Variants in UGCG observed in about 807,000 individuals in gnomAD.
UGCG encodes the protein UDP-glucose ceramide glucosyltransferase.
Under a neutral mutation model 49.5 loss-of-function variants are expected in UGCG, and 10 were observed. That is an observed-to-expected ratio of 0.20 (90% confidence interval 0.12 to 0.34). The LOEUF (loss-of-function observed/expected upper bound fraction) is 0.34, where lower values mean the gene tolerates loss of function less well. Ranked by LOEUF, UGCG falls within the 10% of genes least tolerant of loss-of-function variation. UGCG has a pLI of 1.00. For synonymous variants in UGCG, 182 were observed against 158.2 expected (o/e 1.15, Z -1.13); for missense variants, 312 against 483.7 (o/e 0.65, Z 3.33).
chr9:111,900,120 A>AT (rs11365963), intron 1 of UGCG, among the ~76,000 whole-genome samples: 11,864 of 145,902 alleles, frequency 0.081, 757 homozygotes, highest in African/African-American at 0.17. Flanking sequence ...TTATGGGTTA[A>AT]TTTTTTTTTT....
chr9:111,904,076 A>AT (rs1313673774), intron 1 of UGCG, among the ~76,000 whole-genome samples: 2 of 117,688 alleles, frequency 1.7e-5, no homozygotes, highest in Non-Finnish European at 1.8e-5. Flanking sequence ...GCTGAGAATG[A>AT]TTGCCCCAGG....
At chr9:111,917,062 C>T (rs913391425) in intron 2 of UGCG, among the ~76,000 whole-genome samples, 3 of 152,106 alleles carry the variant, frequency 2.0e-5, no homozygotes, top group East Asian at 3.9e-4. Context: ...CTCTTGTTTT[C>T]ACTTAGAGTA....
chr9:111,909,454 C>T (rs746047586), intron 1 of UGCG, among the ~76,000 whole-genome samples: 22 of 152,156 alleles, frequency 1.4e-4, no homozygotes, highest in Non-Finnish European at 2.2e-4. Flanking sequence ...GCATTGTTTC[C>T]ACCTGTGGAA....
chr9:111,918,005 A>G (rs753873863), intron 2 of UGCG, among the ~76,000 whole-genome samples: 4 of 152,096 alleles, frequency 2.6e-5, no homozygotes, highest in Admixed American at 1.3e-4. Flanking sequence ...ACCTGTCATA[A>G]CTATGATTTT....
chr9:111,921,616 A>ACTC (rs1372773590), intron 2 of UGCG, among the ~76,000 whole-genome samples: 1 of 148,984 alleles, frequency 6.7e-6, no homozygotes, highest in Non-Finnish European at 1.5e-5. Flanking sequence ...ATGCCACTGC[A>ACTC]CTCCAACCTG....
chr9:111,910,171 C>T (rs1338001646), intron 1 of UGCG, among the ~76,000 whole-genome samples: 1 of 152,202 alleles, frequency 6.6e-6, no homozygotes, highest in Non-Finnish European at 1.5e-5. Flanking sequence ...AGGATCTACT[C>T]TAAACTTTAC....
Position 111,932,991 on chromosome 9 carries a change from T to C in UGCG, c.1179T>C (p.Asp393=). 6.3e-7 allele frequency: 1 copy of C among 1,580,870 alleles called. No individual in the cohort carries two copies. The highest frequency in any genetic ancestry group is 8.6e-7 in the Non-Finnish European group (1 of 1,163,238). Residue 393 remains aspartate, a synonymous_variant, in exon 9 of 9, where the codon GAT becomes GAC. Coordinates refer to ENST00000374279, the MANE Select transcript of UGCG (RefSeq NM_003358.3). ...RCGGTAEEIL[D]V is the part of the protein sequence containing the mutation. Reference sequence around the variant, plus strand: ...GGGGTACAGCAGAGGAAATCCTAGATGTATAACTACAGCTTTGTGACTGTA... The same window carrying C: ...GGGGTACAGCAGAGGAAATCCTAGACGTATAACTACAGCTTTGTGACTGTA...
At chr9:111,899,810 G>C (rs1837734912) in intron 1 of UGCG, among the ~76,000 whole-genome samples, 2 of 152,068 alleles carry the variant, frequency 1.3e-5, no homozygotes, top group South Asian at 4.2e-4. Flanking sequence ...CCTAATTATA[G>C]TTTCTTCTAA....
chr9:111,904,263 C>T (rs1355959191), intron 1 of UGCG, among the ~76,000 whole-genome samples: 3 of 152,214 alleles, frequency 2.0e-5, no homozygotes, highest in African/African-American at 4.8e-5. Context: ...TTTGAAAATC[C>T]TACAGAGGGT....
chr9:111,909,487 G>C (rs993850243), intron 1 of UGCG, among the ~76,000 whole-genome samples: 1 of 152,208 alleles, frequency 6.6e-6, no homozygotes, highest in Non-Finnish European at 1.5e-5. Flanking sequence ...GCAAAGCTTT[G>C]TTGACATCTT....
chr9:111,929,477 C>G lies in UGCG; in HGVS notation c.559-23C>G, dbSNP rs1186535078. 1.9e-6 allele frequency: 3 copies of G among 1,593,172 alleles called. No individual in the cohort carries two copies. The South Asian group carries it at 3.4e-5, about 18-fold the overall frequency. On this transcript the variant is annotated intron_variant, in intron 5 of 8. Coordinates refer to ENST00000374279, the MANE Select transcript of UGCG (RefSeq NM_003358.3). ...CTTTTAACATGAAATTCTAATCATA[C>G]ACGTTTGTGGTTTTTTGGGCAGGTA...
chr9:111,906,654 T>C (rs990028467), intron 1 of UGCG, among the ~76,000 whole-genome samples: 17 of 151,960 alleles, frequency 1.1e-4, no homozygotes, highest in Admixed American at 1.1e-3. Context: ...GGTCTTGAAC[T>C]CCCAACCTCA....
At chr9:111,925,733 C>T (rs1351856701) in intron 4 of UGCG, among the ~76,000 whole-genome samples, 1 of 152,118 alleles carries the variant, frequency 6.6e-6, no homozygotes, top group Non-Finnish European at 1.5e-5. Flanking sequence ...GAGATGTTTG[C>T]TAAAGATTGG....
At chr9:111,929,754 G>T in intron 6 of UGCG, 76 bp downstream of exon 6, 1 of 1,507,432 alleles carries the variant, frequency 6.6e-7, no homozygotes, top group South Asian at 1.2e-5. Flanking sequence ...TCAACCTATA[G>T]ATTAGGGCTT....
At position 111,926,448 on chromosome 9, in the gene UGCG, G is replaced by A; in HGVS notation, c.510G>A (p.Gly170=). The A allele has an allele frequency of 6.2e-7, 1 of 1,610,784 alleles. No homozygotes were observed. Among genetic ancestry groups the A allele is most frequent in the African/African-American group, 1.3e-5 (1 of 74,936 alleles). ...CAGAAAAAGTAGGCTTGGTTCACGGGCTGCCTTACGTAGCAGACAGACAGG... is the reference window on the plus strand; with the variant it reads ...CAGAAAAAGTAGGCTTGGTTCACGGACTGCCTTACGTAGCAGACAGACAGG... ...QMTEKVGLVH[G]LPYVADRQGF... The change falls in exon 5 of 9, where the codon GGG becomes GGA. Residue 170 remains glycine, a synonymous_variant. Transcript: ENST00000374279.
intron 2 of UGCG, among the ~76,000 whole-genome samples, chr9:111,916,844 T>G (rs1838121011): frequency 6.6e-6 from 1 of 151,956 alleles, no homozygotes; most frequent in Admixed American, 6.6e-5. Context: ...ATAACTGATT[T>G]CTTGTGAATG....
At position 111,915,704 on chromosome 9, in the gene UGCG, C is replaced by T. The variant is rs780070199; in HGVS notation, c.240+958C>T. The T allele has an allele frequency of 1.7e-5, 14 of 803,620 alleles. No individual in the cohort carries two copies. The South Asian group carries it at 4.6e-4, about 26-fold the overall frequency. The allele number at this position is 803,620 out of a possible 1,614,324, so 49.8% of individuals were successfully genotyped here. A position where few individuals can be genotyped will look rare whatever the true frequency, so the allele number is the denominator to read the frequency against. ...AAATAATCAGAAGGAAGATGATATG[C>T]GCACTACACTTCTTATGGTGACTGG... On this transcript the variant is annotated intron_variant, in intron 2 of 8. Coordinates refer to ENST00000374279, the MANE Select transcript of UGCG (RefSeq NM_003358.3).
At chr9:111,912,029 G>GATATATAT (rs60468274) in intron 1 of UGCG, among the ~76,000 whole-genome samples, 1,467 of 64,288 alleles carry the variant, frequency 0.023, 177 homozygotes, top group East Asian at 0.063. Context: ...TATTCAACAG[G>GATATATAT]ATATATATAT....
chr9:111,921,534 A>C (rs1456034113), intron 2 of UGCG, among the ~76,000 whole-genome samples: 1 of 150,902 alleles, frequency 6.6e-6, no homozygotes, highest in African/African-American at 2.4e-5. Context: ...AGTCCCAGCT[A>C]CTCCTGTTTG....
Sources: allele counts gnomAD v4.1 joint callset (sites outside exome capture counted in the v4.1 genomes callset), GRCh38; gene constraint gnomAD v4.1.1; transcripts MANE v1.5; gene names NCBI Gene and HGNC (gene_info 2026-07-23, HGNC 2026-07-21).